TMEM266: variants seen among roughly 807,000 people sequenced by gnomAD.
TMEM266 encodes the protein transmembrane protein 266.
A neutral mutation model predicts 50.5 loss-of-function variants in TMEM266; 33 were observed. That is an observed-to-expected ratio of 0.65 (90% CI 0.50 to 0.87). The LOEUF is 0.87. Ranked by LOEUF, TMEM266 falls within the 40% of genes least tolerant of loss-of-function variation. TMEM266 has a pLI of 0.00. For missense variants in TMEM266, 655 were observed against 695.1 expected, an observed-to-expected ratio of 0.94 and a Z score of 0.65; for synonymous variants, 310 against 292.3, an observed-to-expected ratio of 1.06 and a Z score of -0.62.
rs59287886 is a variant in TMEM266, at chr15:76,180,607, CTT to C, written c.768+4956_768+4957del. Among the ~76,000 whole-genome samples, 90 of 63,180 alleles carry C rather than the reference CTT, an allele frequency of 1.4e-3. 2 individuals are homozygous for C. The highest frequency in any genetic ancestry group is 4.1e-3 in the African/African-American group (62 of 15,296). The allele number at this position is 63,180 out of a possible 152,430, so 41.4% of individuals were successfully genotyped here. A position where few individuals can be genotyped will look rare whatever the true frequency, so the allele number is the denominator to read the frequency against. Reference sequence around the variant, plus strand: ...TTACTCTCTGTTTCTTCATCTTAAGCTTTTTTTTTTTTTTTTTTTTTTTTGGA... The same window carrying C: ...TTACTCTCTGTTTCTTCATCTTAAGCTTTTTTTTTTTTTTTTTTTTTTGGA... On this transcript the variant is annotated intron_variant, in intron 8 of 10. Transcript: ENST00000388942.
At position 76,204,502 on chromosome 15, in the gene TMEM266, C is replaced by G. The variant is rs531078201; in HGVS notation, c.*187C>G. ...AAGCTTCAGACCTCAAAGCCCAGAG[C>G]TGGCGCCTCTTCTCGCCCTGCTCAG... is the stretch of plus-strand genomic sequence containing the variant. On this transcript the variant is annotated 3_prime_UTR_variant, in exon 11 of 11. Transcript: ENST00000388942. 72 of 540,644 alleles carry G rather than the reference C, an allele frequency of 1.3e-4. No individual in the cohort carries two copies. Among genetic ancestry groups the G allele is most frequent in the African/African-American group, 1.2e-3 (64 of 52,914 alleles). The allele number at this position is 540,644 out of a possible 1,614,324, so 33.5% of individuals were successfully genotyped here. A position where few individuals can be genotyped will look rare whatever the true frequency, so the allele number is the denominator to read the frequency against.
At chr15:76,163,653 G>A (rs1353987037) in intron 5 of TMEM266, among the ~76,000 whole-genome samples, 1 of 152,168 alleles carries the variant, frequency 6.6e-6, no homozygotes, top group Non-Finnish European at 1.5e-5. Flanking sequence ...CTCCTCCCCC[G>A]AGACTGCAGG....
At chr15:76,203,591 G>A in intron 10 of TMEM266, 150 bp from the exon 11 acceptor site, 1 of 695,854 alleles carries the variant, frequency 1.4e-6, no homozygotes, top group Non-Finnish European at 2.5e-6. Context: ...AACTGGGAGG[G>A]AGTTCTACCA....
At chr15:76,087,221 G>A (rs1218580256) in intron 1 of TMEM266, among the ~76,000 whole-genome samples, 2 of 152,142 alleles carry the variant, frequency 1.3e-5, no homozygotes, top group East Asian at 3.8e-4. Context: ...GGCTGAAAGA[G>A]GGGATTGAGA....
At chr15:76,151,619 C>T (rs946095846) in intron 3 of TMEM266, among the ~76,000 whole-genome samples, 23 of 152,126 alleles carry the variant, frequency 1.5e-4, no homozygotes, top group Admixed American at 7.9e-4. Flanking sequence ...CTTGATGCTC[C>T]AGGGCTGCTT....
At chr15:76,096,586 A>T in intron 1 of TMEM266, among the ~76,000 whole-genome samples, 1 of 151,964 alleles carries the variant, frequency 6.6e-6, no homozygotes, top group Admixed American at 6.6e-5. Flanking sequence ...TATTCTGTTG[A>T]TTTGGGGTAG....
intron 9 of TMEM266, among the ~76,000 whole-genome samples, chr15:76,195,381 T>G (rs1182076370): frequency 1.3e-5 from 2 of 152,230 alleles, no homozygotes; most frequent in African/African-American, 4.8e-5. Flanking sequence ...GCCCTGCGTC[T>G]TCTCTGGGAG....
chr15:76,194,919 C>T (rs1228538902), intron 9 of TMEM266, among the ~76,000 whole-genome samples: 2 of 152,144 alleles, frequency 1.3e-5, no homozygotes, highest in Non-Finnish European at 1.5e-5. Context: ...GGTACCCATT[C>T]AACCCTTAAG....
rs1188895567 is a variant in TMEM266 at position 76,161,733 on chromosome 15, T to A, written c.456+1565T>A. 1.3e-5 allele frequency among the ~76,000 whole-genome samples: 2 copies of A among 152,136 alleles called. No individual in the cohort carries two copies. Among genetic ancestry groups the A allele is most frequent in the Non-Finnish European group, 2.9e-5 (2 of 68,026 alleles). ...CTGAGACCATTGCCCTGGAGGTGCC[T>A]CTGCCCCGCAGAGCAGAGTGCCTGC... On this transcript the variant is annotated intron_variant, in intron 5 of 10. Coordinates refer to ENST00000388942, the MANE Select transcript of TMEM266 (RefSeq NM_152335.3). The surrounding 1 kb of genome is among the most constrained non-coding windows in gnomAD (Gnocchi z 4.1).
chr15:76,145,175 T>A (rs2037738884), intron 3 of TMEM266, among the ~76,000 whole-genome samples: 1 of 152,204 alleles, frequency 6.6e-6, no homozygotes, highest in Admixed American at 6.5e-5. Context: ...GTCGGCTTCA[T>A]CCTGATGTTG....
chr15:76,116,900 T>A (rs868344210), intron 1 of TMEM266, among the ~76,000 whole-genome samples: 18,529 of 146,480 alleles, frequency 0.13, 1,873 homozygotes, highest in African/African-American at 0.28. Context: ...TATCTTCTTT[T>A]TTTTTTTTTT....
At chr15:76,198,291 C>CT (rs1426981438) in intron 9 of TMEM266, among the ~76,000 whole-genome samples, 2 of 152,206 alleles carry the variant, frequency 1.3e-5, no homozygotes, top group African/African-American at 4.8e-5. Flanking sequence ...CCATTCTTTC[C>CT]TGCCCCTCCA....
In TMEM266 at chr15:76,192,135, G is replaced by A; in HGVS notation, c.936G>A (p.Val312=). 2.1e-6 allele frequency: 3 copies of A among 1,408,732 alleles called. No homozygotes were observed. Among genetic ancestry groups the A allele is most frequent in the Non-Finnish European group, 2.8e-6 (3 of 1,083,766 alleles). 87.3% of individuals were successfully genotyped at this position (1,408,732 alleles called of 1,614,324 possible). Residue 312 remains valine, a synonymous_variant, in exon 9 of 11, where the codon GTG becomes GTA. Coordinates refer to ENST00000388942, the MANE Select transcript of TMEM266 (RefSeq NM_152335.3). ...AGGAGACGGCGGCCGAGAGCGTCGTGGAGGAGCTGCAGCCCTCGCAAGGTA... is the reference window on the plus strand; with the variant it reads ...AGGAGACGGCGGCCGAGAGCGTCGTAGAGGAGCTGCAGCCCTCGCAAGGTA...
At chr15:76,200,814 A>G (rs975693439) in intron 9 of TMEM266, among the ~76,000 whole-genome samples, 9 of 152,184 alleles carry the variant, frequency 5.9e-5, no homozygotes, top group Admixed American at 2.6e-4. Context: ...CAGGGCCTGG[A>G]GCCAGCCCGG....
At chr15:76,183,755 T>C (rs1487175468) in intron 8 of TMEM266, among the ~76,000 whole-genome samples, 1 of 152,234 alleles carries the variant, frequency 6.6e-6, no homozygotes, top group Non-Finnish European at 1.5e-5. Context: ...GGGAATGCCA[T>C]GCCTCCCTGG....
chr15:76,064,000 G>A (rs2036362151), intron 1 of TMEM266, among the ~76,000 whole-genome samples: 3 of 152,184 alleles, frequency 2.0e-5, no homozygotes, highest in South Asian at 2.1e-4. Flanking sequence ...GATGTGTGAC[G>A]AGGCAGCAAA....
intron 3 of TMEM266, among the ~76,000 whole-genome samples, chr15:76,148,715 G>C (rs63258860): frequency 1 from 148,945 of 149,092 alleles, 74,399 homozygotes; most frequent in Non-Finnish European, 1. Flanking sequence ...ATGGCAGTTT[G>C]TCCACCCCTT....
rs544457863 is a variant in TMEM266 at position 76,188,181 on chromosome 15, A to G, written c.769-3787A>G. On this transcript the variant is annotated intron_variant, in intron 8 of 10. Coordinates refer to ENST00000388942, the MANE Select transcript of TMEM266 (RefSeq NM_152335.3). ...GTTTGTTTTCACGCTGCTAATAAAG[A>G]CATACCCAAGACTGGGTAATTTATA... Among the ~76,000 whole-genome samples, 5 of 152,222 alleles carry G rather than the reference A, an allele frequency of 3.3e-5. No individual in the cohort carries two copies. The East Asian group carries it at 9.6e-4, about 29-fold the overall frequency.
At chr15:76,170,511 G>T (rs765121459) in intron 6 of TMEM266, among the ~76,000 whole-genome samples, 1 of 151,498 alleles carries the variant, frequency 6.6e-6, no homozygotes, top group Non-Finnish European at 1.5e-5. Context: ...GGGCTTCATT[G>T]TGCAGGCTGG....
Sources: gnomAD v4.1 joint callset for allele counts (sites outside exome capture counted in the v4.1 genomes callset) on GRCh38, gnomAD v4.1.1 for gene constraint, Gnocchi (gnomAD v3.1) non-coding constraint, MANE v1.5 for transcripts, NCBI Gene and HGNC (gene_info 2026-07-23, HGNC 2026-07-21) for gene names.